ABHD17C: variants seen among roughly 807,000 people sequenced by gnomAD.
The protein encoded by ABHD17C is abhydrolase domain containing 17C, depalmitoylase.
In ABHD17C, 11 loss-of-function variants were observed where a neutral mutation model predicts 27.9. The ratio of observed to expected loss-of-function variants is 0.39; its 90% CI spans 0.25 to 0.65. The LOEUF (loss-of-function observed/expected upper bound fraction) is 0.65, where lower values mean the gene tolerates loss of function less well. Ranked by LOEUF, ABHD17C falls within the 30% of genes least tolerant of loss-of-function variation. The pLI is 0.45. For synonymous variants in ABHD17C, 233 were observed against 209.1 expected (o/e 1.11, Z -0.98); for missense variants, 280 against 470.2 (o/e 0.60, Z 3.74).
intron 1 of ABHD17C, among the ~76,000 whole-genome samples, chr15:80,740,039 T>C (rs1186942233): frequency 1.3e-5 from 2 of 152,180 alleles, no homozygotes; most frequent in African/African-American, 2.4e-5. Context: ...TTTTCATTTG[T>C]TTTGTTTTCT....
At chr15:80,711,262 AAT>A (rs1381840941) in intron 1 of ABHD17C, among the ~76,000 whole-genome samples, 1 of 152,142 alleles carries the variant, frequency 6.6e-6, no homozygotes, top group Non-Finnish European at 1.5e-5. Context: ...TGCTCGCATG[AAT>A]CACTGAGTGA....
chr15:80,704,518 A>G (rs1287965908), intron 1 of ABHD17C: 1 of 151,804 alleles, frequency 6.6e-6, no homozygotes, highest in Non-Finnish European at 1.5e-5. Context: ...GTGCACATGT[A>G]CTGTAAAACT....
intron 1 of ABHD17C, among the ~76,000 whole-genome samples, chr15:80,726,734 T>C (rs1297778374): frequency 1.3e-5 from 2 of 151,900 alleles, no homozygotes; most frequent in African/African-American, 4.8e-5. Context: ...GGATGGTTAG[T>C]CAGGATGGTC....
chr15:80,743,006 T>TGGGGGGGTGGGGGGGGGGGGGGGGG (rs1567038409), intron 1 of ABHD17C, among the ~76,000 whole-genome samples: 1 of 25,572 alleles, frequency 3.9e-5, no homozygotes, highest in Non-Finnish European at 7.9e-5. Context: ...GGTGGGAGGG[T>TGGGGGGGTGGGGGGGGGGGGGGGGG]GGGGTGGTGG....
intron 2 of ABHD17C, among the ~76,000 whole-genome samples, chr15:80,751,222 T>A (rs929727131): frequency 2.0e-5 from 3 of 151,752 alleles, no homozygotes; most frequent in African/African-American, 7.2e-5. Context: ...TAGACGAGCG[T>A]GGTGGTGCAC....
At chr15:80,742,343 G>A (rs146220558) in intron 1 of ABHD17C, among the ~76,000 whole-genome samples, 5 of 152,170 alleles carry the variant, frequency 3.3e-5, no homozygotes, top group Admixed American at 3.3e-4. Flanking sequence ...TTGCCGGGGG[G>A]TGAAAGTGGG....
chr15:80,735,858 A>T (rs927034436), intron 1 of ABHD17C, among the ~76,000 whole-genome samples: 12 of 134,622 alleles, frequency 8.9e-5, no homozygotes, highest in African/African-American at 3.6e-4. Flanking sequence ...CATTTCCTTC[A>T]TTATTTCCCC....
intron 1 of ABHD17C, among the ~76,000 whole-genome samples, chr15:80,739,549 G>C (rs1895177297): frequency 6.6e-6 from 1 of 152,064 alleles, no homozygotes; most frequent in Non-Finnish European, 1.5e-5. Flanking sequence ...TTCTCTTTCT[G>C]TTATATTAGT....
At chr15:80,711,249 G>A (rs1894724943) in intron 1 of ABHD17C, among the ~76,000 whole-genome samples, 1 of 152,120 alleles carries the variant, frequency 6.6e-6, no homozygotes, top group South Asian at 2.1e-4. Context: ...GTTGAGGATC[G>A]GATGCTCGCA....
rs372424183 is a variant in ABHD17C at position 80,749,600 on chromosome 15, C to T, written c.678C>T (p.Cys226=). 1.3e-5 allele frequency: 21 copies of T among 1,613,782 alleles called. No homozygotes were observed. Among genetic ancestry groups the T allele is most frequent in the African/African-American group, 5.3e-5 (4 of 74,920 alleles). Residue 226 remains cysteine (C), a synonymous_variant, in exon 2 of 3, where the codon TGC becomes TGT. Coordinates refer to ENST00000258884, the MANE Select transcript of ABHD17C (RefSeq NM_021214.2). ...TAGACTTGGCCTCGAGGTATGAATG[C>T]GCAGCGGTAATTCTCCATTCCCCTC... ...PTVDLASRYE[C]AAVILHSPLM...
At chr15:80,754,123 T>G in intron 2 of ABHD17C, 28 bp from the exon 3 acceptor site, 1 of 1,571,548 alleles carries the variant, frequency 6.4e-7, no homozygotes, top group Non-Finnish European at 8.8e-7. Context: ...GGAGTCCTCT[T>G]TCTGCCTCCC....
intron 1 of ABHD17C, among the ~76,000 whole-genome samples, chr15:80,735,335 A>G (rs569143876): frequency 8.7e-4 from 132 of 152,196 alleles, no homozygotes; most frequent in Non-Finnish European, 1.4e-3. Flanking sequence ...CAACCTCCCA[A>G]TTTGTGCCAA....
chr15:80,711,706 G>C (rs1302406263), intron 1 of ABHD17C, among the ~76,000 whole-genome samples: 1 of 152,118 alleles, frequency 6.6e-6, no homozygotes, highest in African/African-American at 2.4e-5. Flanking sequence ...TTTCCTCTCT[G>C]AACTGAAAAT....
intron 1 of ABHD17C, among the ~76,000 whole-genome samples, chr15:80,743,837 T>G (rs1043272413): frequency 1.3e-5 from 2 of 152,196 alleles, no homozygotes; most frequent in African/African-American, 4.8e-5. Flanking sequence ...CCTCAGAAAG[T>G]GCTAGGATTA....
chr15:80,713,535 T>C (rs546433678), intron 1 of ABHD17C, among the ~76,000 whole-genome samples: 9 of 151,882 alleles, frequency 5.9e-5, no homozygotes, highest in South Asian at 2.1e-4. Context: ...ACAGGCCAGG[T>C]GCAGTGGCTC....
chr15:80,706,236 T>C (rs1894646767), intron 1 of ABHD17C, among the ~76,000 whole-genome samples: 1 of 152,240 alleles, frequency 6.6e-6, no homozygotes, highest in African/African-American at 2.4e-5. Flanking sequence ...TGGAGCTCAT[T>C]GATAACTCCC....
chr15:80,754,339 A>G lies in ABHD17C; in HGVS notation c.959A>G (p.Gln320Arg). Residue 320 changes from glutamine to arginine, a missense_variant, in exon 3 of 3, where the codon CAG (glutamine) becomes CGG (arginine). By Grantham distance (43) the Gln-to-Arg change is conservative. Transcript: ENST00000258884. ...LYAQYLERLK[Q>R]FISHELPNS ...GCACAATACCTAGAAAGACTAAAAC[A>G]GTTCATATCTCACGAACTTCCTAAT... The G allele has an allele frequency of 6.2e-7, 1 of 1,613,772 alleles. No homozygotes were observed. The highest frequency in any genetic ancestry group is 8.5e-7 in the Non-Finnish European group (1 of 1,179,784).
At chr15:80,738,688 A>G (rs1357455499) in intron 1 of ABHD17C, among the ~76,000 whole-genome samples, 1 of 152,152 alleles carries the variant, frequency 6.6e-6, no homozygotes, top group African/African-American at 2.4e-5. Flanking sequence ...ATGGTGATTG[A>G]TAGAAACAGA....
chr15:80,728,943 T>A (rs1289124064), intron 1 of ABHD17C, among the ~76,000 whole-genome samples: 4 of 152,244 alleles, frequency 2.6e-5, no homozygotes. Context: ...CTGTATCTTG[T>A]TCAAGAGTTG....
Sources: allele counts gnomAD v4.1 joint callset (sites outside exome capture counted in the v4.1 genomes callset), GRCh38; gene constraint gnomAD v4.1.1; transcripts MANE v1.5; gene names NCBI Gene and HGNC (gene_info 2026-07-23, HGNC 2026-07-21).